SLC41A2: variants seen among roughly 807,000 people sequenced by gnomAD.
SLC41A2 encodes SLC41A1-like 1.
Under a neutral mutation model 58.3 loss-of-function variants are expected in SLC41A2, and 32 were observed. The ratio of observed to expected loss-of-function variants is 0.55; its 90% confidence interval spans 0.41 to 0.74. The LOEUF (loss-of-function observed/expected upper bound fraction) is 0.74, where lower values mean the gene tolerates loss of function less well. Ranked by LOEUF, SLC41A2 falls within the 30% of genes least tolerant of loss-of-function variation. SLC41A2 has a pLI of 0.00. For synonymous variants in SLC41A2, 190 were observed against 235.0 expected, an observed-to-expected ratio of 0.81 and a Z score of 1.75; for missense variants, 514 against 680.6, an observed-to-expected ratio of 0.76 and a Z score of 2.72.
intron 6 of SLC41A2, among the ~76,000 whole-genome samples, chr12:104,872,592 G>A (rs1219162977): frequency 2.6e-5 from 4 of 152,138 alleles, no homozygotes; most frequent in Admixed American, 2.6e-4. Flanking sequence ...AATTAGCCAG[G>A]TGTGGTGGTA....
At chr12:104,877,176 A>T (rs2044089862) in intron 6 of SLC41A2, among the ~76,000 whole-genome samples, 1 of 152,228 alleles carries the variant, frequency 6.6e-6, no homozygotes, top group South Asian at 2.1e-4. Context: ...TAAGTTTATC[A>T]GGAAATAAAC....
chr12:104,955,809 A>T (rs2135999933), intron 1 of SLC41A2, among the ~76,000 whole-genome samples: 1 of 151,692 alleles, frequency 6.6e-6, no homozygotes, highest in Admixed American at 6.6e-5. Flanking sequence ...GTGCGCTCGG[A>T]AATTAACCAT....
At chr12:104,858,619 A>G (rs1459176456) in intron 8 of SLC41A2, among the ~76,000 whole-genome samples, 1 of 152,186 alleles carries the variant, frequency 6.6e-6, no homozygotes, top group African/African-American at 2.4e-5. Context: ...AACCATCTCT[A>G]TTAATGTTTT....
chr12:104,838,943 T>C (rs1469087904), intron 10 of SLC41A2, among the ~76,000 whole-genome samples: 3 of 152,220 alleles, frequency 2.0e-5, no homozygotes, highest in African/African-American at 7.2e-5. Context: ...CTCAACTTTA[T>C]GTATTGAGAA....
At chr12:104,895,088 G>A (rs1353809969) in intron 4 of SLC41A2, among the ~76,000 whole-genome samples, 186 bp downstream of exon 4, 2 of 151,942 alleles carry the variant, frequency 1.3e-5, no homozygotes, top group Admixed American at 6.5e-5. Flanking sequence ...TCTAAACAAC[G>A]AATAGTTTCA....
intron 5 of SLC41A2, among the ~76,000 whole-genome samples, chr12:104,887,462 T>C (rs1322107343): frequency 6.6e-6 from 1 of 151,908 alleles, no homozygotes; most frequent in Non-Finnish European, 1.5e-5. Flanking sequence ...ATTTTTGTCT[T>C]GCATCAAACA....
Position 104,875,380 on chromosome 12 carries a change from T to C in SLC41A2, c.1028-8801A>G, listed in dbSNP as rs1290414712. Among the ~76,000 whole-genome samples the C allele has an allele frequency of 2.0e-5, 3 of 152,182 alleles. No individual in the cohort carries two copies. The East Asian group carries it at 5.8e-4, about 29-fold the overall frequency. ...TCCAACTCCCAGGCTCAAGTGATCC[T>C]CTCACCTCAGCCTCCAGAGTAGCTG... On this transcript the variant is annotated intron_variant, in intron 6 of 10. Coordinates refer to ENST00000258538, the MANE Select transcript of SLC41A2 (RefSeq NM_001352171.3).
At chr12:104,879,146 T>C (rs945366176) in intron 6 of SLC41A2, among the ~76,000 whole-genome samples, 2 of 152,250 alleles carry the variant, frequency 1.3e-5, no homozygotes, top group African/African-American at 4.8e-5. Flanking sequence ...TTCACCCACT[T>C]GTTGATGGGG....
At chr12:104,940,117 G>A (rs182657167) in intron 1 of SLC41A2, among the ~76,000 whole-genome samples, 169 of 151,734 alleles carry the variant, frequency 1.1e-3, no homozygotes, top group African/African-American at 4.0e-3. Flanking sequence ...AGGTTCAAGC[G>A]ATTCTCCTGC....
intron 8 of SLC41A2, among the ~76,000 whole-genome samples, chr12:104,846,983 A>C (rs1565836515): frequency 6.6e-6 from 1 of 152,162 alleles, no homozygotes; most frequent in South Asian, 2.1e-4. Context: ...AAATTAAAAG[A>C]CAGGAAAAAG....
In SLC41A2 at chr12:104,903,350, A is replaced by G. The variant is rs1239122135; in HGVS notation, c.663+6305T>C. 5.9e-5 allele frequency among the ~76,000 whole-genome samples: 9 copies of G among 152,196 alleles called. No individual in the cohort carries two copies. The South Asian group carries it at 1.9e-3, about 32-fold the overall frequency. ...TATCTCACAAACTAGGCAAATCCGT[A>G]CATAATCTGGCCTCTGGCTCATCCC... On this transcript the variant is annotated intron_variant, in intron 3 of 10. Coordinates refer to ENST00000258538, the MANE Select transcript of SLC41A2 (RefSeq NM_001352171.3).
At chr12:104,907,160 A>G (rs1320775995) in intron 3 of SLC41A2, among the ~76,000 whole-genome samples, 1 of 150,492 alleles carries the variant, frequency 6.6e-6, no homozygotes, top group African/African-American at 2.4e-5. Flanking sequence ...CAATTTTCCA[A>G]GATCTGGCCA....
chr12:104,827,076 T>TA (rs1277123782), intron 10 of SLC41A2, among the ~76,000 whole-genome samples: 1 of 152,280 alleles, frequency 6.6e-6, no homozygotes, highest in East Asian at 1.9e-4. Context: ...AGACGGCAAT[T>TA]ATACTAAGTT....
chr12:104,907,489 T>C (rs1331317226), intron 3 of SLC41A2, among the ~76,000 whole-genome samples: 1 of 152,192 alleles, frequency 6.6e-6, no homozygotes, highest in Non-Finnish European at 1.5e-5. Context: ...TATCTGTAAA[T>C]AATAATGTTT....
At chr12:104,824,795 G>A (rs1412617168) in intron 10 of SLC41A2, among the ~76,000 whole-genome samples, 2 of 152,154 alleles carry the variant, frequency 1.3e-5, no homozygotes, top group Non-Finnish European at 2.9e-5. Context: ...GGGCACTGAA[G>A]AAGTAAACTA....
chr12:104,914,016 G>T (rs10778357), intron 2 of SLC41A2, among the ~76,000 whole-genome samples: 94,061 of 151,902 alleles, frequency 0.62, 29,921 homozygotes, highest in African/African-American at 0.76. Context: ...GAGCTGAGAC[G>T]GCGCCATTGC....
intron 3 of SLC41A2, among the ~76,000 whole-genome samples, chr12:104,899,075 G>C (rs2045436776): frequency 6.6e-6 from 1 of 152,030 alleles, no homozygotes; most frequent in African/African-American, 2.4e-5. Flanking sequence ...CCTGATGGTG[G>C]GAATGCAAAA....
chr12:104,957,697 G>A (rs1192579861), intron 1 of SLC41A2, among the ~76,000 whole-genome samples: 1 of 152,330 alleles, frequency 6.6e-6, no homozygotes. Context: ...AGGGTGACGG[G>A]GCACTCGCGG....
chr12:104,819,721 C>T (rs2041551601), intron 10 of SLC41A2, among the ~76,000 whole-genome samples: 1 of 152,208 alleles, frequency 6.6e-6, no homozygotes, highest in South Asian at 2.1e-4. Context: ...AGCTATAATT[C>T]TCAGACTCCC....
Sources: gnomAD v4.1 joint callset for allele counts (sites outside exome capture counted in the v4.1 genomes callset) on GRCh38, gnomAD v4.1.1 for gene constraint, MANE v1.5 for transcripts, NCBI Gene and HGNC (gene_info 2026-07-23, HGNC 2026-07-21) for gene names.